PLCB1: variants seen among roughly 807,000 people sequenced by gnomAD.
PLCB1 encodes the protein 1-phosphatidylinositol 4,5-bisphosphate phosphodiesterase beta-1.
Under a neutral mutation model 161.8 loss-of-function variants are expected in PLCB1, and 46 were observed. That is an observed-to-expected ratio of 0.28 (90% CI 0.22 to 0.36). The LOEUF is 0.36. Among genes scored for constraint, PLCB1 ranks in the 10% least tolerant of loss-of-function variants. The pLI, the probability that PLCB1 is intolerant of heterozygous loss-of-function variation, is 1.00. For missense variants in PLCB1, 1,016 were observed against 1,472.5 expected (o/e 0.69, Z 5.07); for synonymous variants, 517 against 503.7 (o/e 1.03, Z -0.35).
At chr20:8,508,333 G>C (rs762514232) in intron 3 of PLCB1, among the ~76,000 whole-genome samples, 1 of 152,114 alleles carries the variant, frequency 6.6e-6, no homozygotes, top group Non-Finnish European at 1.5e-5. Flanking sequence ...GTTTTGCTGG[G>C]GCTGAACTTC....
chr20:8,644,921 T>G, intron 4 of PLCB1, among the ~76,000 whole-genome samples: 1 of 152,212 alleles, frequency 6.6e-6, no homozygotes, highest in Non-Finnish European at 1.5e-5. Context: ...AGAAATCAGA[T>G]GGTTGCCCTG....
rs1978917699 is a variant in PLCB1, at chr20:8,710,163, G to C, written c.1250+1411G>C. ...CTGTACAGGAAGCATGGTGGCATCT[G>C]CTCCTGGGGAGTCCTCAGAGAGCTT... On this transcript the variant is annotated intron_variant, in intron 12 of 31. Transcript: ENST00000338037. Among the ~76,000 whole-genome samples the C allele has an allele frequency of 2.3e-5, 3 of 127,980 alleles. No homozygotes were observed. In the Admixed American group the frequency reaches 2.5e-4, roughly 11 times the overall value. The allele number at this position is 127,980 out of a possible 152,430, so 84.0% of individuals were successfully genotyped here. A position where few individuals can be genotyped will look rare whatever the true frequency, so the allele number is the denominator to read the frequency against.
chr20:8,292,381 C>G (rs1000233512), intron 2 of PLCB1, among the ~76,000 whole-genome samples: 2 of 152,006 alleles, frequency 1.3e-5, no homozygotes, highest in African/African-American at 4.8e-5. Flanking sequence ...GAAATGTAAC[C>G]AATTGCTTAA....
At chr20:8,408,796 T>A (rs1978902095) in intron 3 of PLCB1, among the ~76,000 whole-genome samples, 1 of 152,210 alleles carries the variant, frequency 6.6e-6, no homozygotes, top group Non-Finnish European at 1.5e-5. Flanking sequence ...ACAAATTACT[T>A]CATCTCACAT....
chr20:8,189,815 G>A (rs1270154665), intron 2 of PLCB1, among the ~76,000 whole-genome samples: 1 of 151,944 alleles, frequency 6.6e-6, no homozygotes, highest in Non-Finnish European at 1.5e-5. Flanking sequence ...AACTTTCCAT[G>A]TATGATATTT....
chr20:8,684,855 GA>G lies in PLCB1; in HGVS notation c.863-62del, dbSNP rs61201694. ...CCTTGGACACTACAAGATATTTCTG[GA>G]AAAAAAAAAAAAAAGAGGCGACTTG... On this transcript the variant is annotated intron_variant, in intron 9 of 31. Transcript: ENST00000338037. The G allele has an allele frequency of 0.21, 199,176 of 950,648 alleles. 1,826 individuals carry two copies. The highest frequency in any genetic ancestry group is 0.34 in the East Asian group (12,794 of 37,992). 58.9% of individuals were successfully genotyped at this position (950,648 alleles called of 1,614,324 possible). A position where few individuals can be genotyped will look rare whatever the true frequency, so the allele number is the denominator to read the frequency against.
At chr20:8,170,772 G>T (rs1200207892) in intron 2 of PLCB1, among the ~76,000 whole-genome samples, 1 of 152,170 alleles carries the variant, frequency 6.6e-6, no homozygotes, top group Non-Finnish European at 1.5e-5. Flanking sequence ...TGAGCCATAT[G>T]AAACAGCCAT....
chr20:8,504,729 G>T (rs1471815046), intron 3 of PLCB1, among the ~76,000 whole-genome samples: 1 of 150,662 alleles, frequency 6.6e-6, no homozygotes. Context: ...ACAAAAATTG[G>T]GTGCCCTCTG....
At chr20:8,222,740 T>C (rs558653250) in intron 2 of PLCB1, among the ~76,000 whole-genome samples, 3 of 152,292 alleles carry the variant, frequency 2.0e-5, no homozygotes, top group Admixed American at 2.0e-4. Flanking sequence ...TTTTACATTA[T>C]TTTTAATAAT....
chr20:8,367,764 GA>G (rs1986762532), intron 2 of PLCB1, among the ~76,000 whole-genome samples: 2 of 152,182 alleles, frequency 1.3e-5, no homozygotes, highest in Non-Finnish European at 2.9e-5. Flanking sequence ...ATTGTCACGA[GA>G]AAATTAACCT....
intron 3 of PLCB1, among the ~76,000 whole-genome samples, chr20:8,380,897 A>G (rs1235144): frequency 0.35 from 52,779 of 151,994 alleles, 9,563 homozygotes; most frequent in South Asian, 0.5. Context: ...AGACAGAGAC[A>G]AGTTGACTTC....
chr20:8,259,608 CCT>C (rs1336465480), intron 2 of PLCB1, among the ~76,000 whole-genome samples: 2 of 151,850 alleles, frequency 1.3e-5, no homozygotes, highest in African/African-American at 4.8e-5. Flanking sequence ...AGGATGAGAC[CCT>C]GTCTCAATAA....
Position 8,138,385 on chromosome 20 carries a change from C to T in PLCB1, c.99+5635C>T, listed in dbSNP as rs571195876. Among the ~76,000 whole-genome samples the T allele has an allele frequency of 6.6e-5, 10 of 152,282 alleles. No individual in the cohort carries two copies. In the South Asian group the frequency reaches 1.9e-3, roughly 28 times the overall value. On this transcript the variant is annotated intron_variant, in intron 1 of 31. Transcript: ENST00000338037. ...TGTTATCATGAACAAGAATCGCCAG[C>T]AGAAAATGGAAGGGGATTGCTGGTG...
At chr20:8,440,980 C>A (rs1186402998) in intron 3 of PLCB1, among the ~76,000 whole-genome samples, 2 of 151,996 alleles carry the variant, frequency 1.3e-5, no homozygotes, top group Non-Finnish European at 2.9e-5. Flanking sequence ...ATTAACCCAG[C>A]CTCACCATTT....
At chr20:8,666,255 C>T (rs1989810124) in intron 9 of PLCB1, among the ~76,000 whole-genome samples, 1 of 152,168 alleles carries the variant, frequency 6.6e-6, no homozygotes, top group Non-Finnish European at 1.5e-5. Flanking sequence ...CTCTTCTCTA[C>T]TGTTGTTTCA....
intron 2 of PLCB1, among the ~76,000 whole-genome samples, chr20:8,218,667 T>C (rs974671286): frequency 1.3e-5 from 2 of 151,728 alleles, no homozygotes; most frequent in African/African-American, 4.8e-5. Flanking sequence ...AGACAAAATC[T>C]AGTATGTAAA....
chr20:8,629,799 T>C (rs201038405), intron 4 of PLCB1, among the ~76,000 whole-genome samples: 19,799 of 74,608 alleles, frequency 0.27, 1,529 homozygotes, highest in Middle Eastern at 0.35. Context: ...CCTTTCTTTC[T>C]TTTCTTTCTT....
chr20:8,666,986 C>T (rs1989827169), intron 9 of PLCB1, among the ~76,000 whole-genome samples: 1 of 152,086 alleles, frequency 6.6e-6, no homozygotes, highest in South Asian at 2.1e-4. Context: ...AAAAACCACT[C>T]CTCTGAAGGA....
intron 24 of PLCB1, among the ~76,000 whole-genome samples, chr20:8,759,895 C>CTTTTTTTT (rs1981928257): frequency 1.3e-4 from 6 of 44,520 alleles, no homozygotes; most frequent in African/African-American, 4.9e-4. Context: ...TATAATATCA[C>CTTTTTTTT]ATTTTTTTTT....
Sources: allele counts gnomAD v4.1 joint callset (sites outside exome capture counted in the v4.1 genomes callset), GRCh38; gene constraint gnomAD v4.1.1; transcripts MANE v1.5; gene names NCBI Gene and HGNC (gene_info 2026-07-23, HGNC 2026-07-21).